DLGAP2: variants seen among roughly 807,000 people sequenced by gnomAD.
DLGAP2 encodes the protein DLG associated protein 2.
In DLGAP2, 26 loss-of-function variants were observed where a neutral mutation model predicts 100.3. The ratio of observed to expected loss-of-function variants is 0.26; its 90% confidence interval spans 0.19 to 0.36. The LOEUF (loss-of-function observed/expected upper bound fraction) is 0.36, where lower values mean the gene tolerates loss of function less well. Among genes scored for constraint, DLGAP2 ranks in the 10% least tolerant of loss-of-function variants. The pLI is 1.00. For synonymous variants in DLGAP2, 886 were observed against 630.1 expected (o/e 1.41, Z -6.08); for missense variants, 1,858 against 1,453.2 (o/e 1.28, Z -4.53).
At position 1,669,818 on chromosome 8, in the gene DLGAP2, G is replaced by T. The variant is rs781628489; in HGVS notation, c.2202+34G>T. The T allele has an allele frequency of 5.1e-6, 4 of 780,746 alleles. No homozygotes were observed. The African/African-American group carries it at 6.8e-5, about 13-fold the overall frequency. The allele number at this position is 780,746 out of a possible 1,614,324, so 48.4% of individuals were successfully genotyped here. On this transcript the variant is annotated intron_variant, in intron 10 of 14. Coordinates refer to ENST00000637795, the MANE Select transcript of DLGAP2 (RefSeq NM_001346810.2). ...CGAAATGTGCTCCAAAGCCGCGTCC[G>T]CATGACTTTCATTTTCTCTCCCTTT...
intron 2 of DLGAP2, among the ~76,000 whole-genome samples, chr8:1,219,093 C>A (rs1167324064): frequency 6.6e-6 from 1 of 152,168 alleles, no homozygotes; most frequent in African/African-American, 2.4e-5. Flanking sequence ...TCTTCTCTTT[C>A]TATCTGAATG....
chr8:1,077,904 A>G (rs1214383509), intron 2 of DLGAP2, among the ~76,000 whole-genome samples: 1 of 152,120 alleles, frequency 6.6e-6, no homozygotes, highest in African/African-American at 2.4e-5. Flanking sequence ...CGAGTTCTCC[A>G]GCGGCCGCCG....
intron 1 of DLGAP2, among the ~76,000 whole-genome samples, chr8:743,228 T>A (rs1463795727): frequency 6.6e-6 from 1 of 152,216 alleles, no homozygotes; most frequent in African/African-American, 2.4e-5. Flanking sequence ...AGGATGGATG[T>A]AATTCTCTGG....
chr8:1,476,409 TC>T (rs75694588), intron 3 of DLGAP2, among the ~76,000 whole-genome samples: 6,123 of 152,192 alleles, frequency 0.04, 383 homozygotes, highest in African/African-American at 0.14. Flanking sequence ...CTTCCTTTCT[TC>T]CCCTCTACAC....
At chr8:1,413,520 C>T (rs111481431) in intron 3 of DLGAP2, among the ~76,000 whole-genome samples, 10 of 152,074 alleles carry the variant, frequency 6.6e-5, no homozygotes, top group Admixed American at 6.5e-4. Context: ...CTAAATCTGG[C>T]AAGTATAGAG....
At position 1,119,090 on chromosome 8, in the gene DLGAP2, A is replaced by G. The variant is rs12675321; in HGVS notation, c.74-139761A>G. ...TTCCTACTACTTTATAACCGATTCT[A>G]TTTTCAATTGATAAGTGATTTTTTC... is the stretch of plus-strand genomic sequence containing the variant. On this transcript the variant is annotated intron_variant, in intron 2 of 14. Transcript: ENST00000637795. Among the ~76,000 whole-genome samples the G allele has an allele frequency of 6.4e-3, 977 of 152,288 alleles. 34 individuals carry two copies. The highest frequency in any genetic ancestry group is 0.053 in the East Asian group (275 of 5,172).
chr8:1,368,184 G>A (rs974812485), intron 3 of DLGAP2, among the ~76,000 whole-genome samples: 2 of 152,112 alleles, frequency 1.3e-5, no homozygotes, highest in Non-Finnish European at 2.9e-5. Context: ...GTGTGTGTAT[G>A]TGCACGTGTG....
chr8:1,602,490 C>A lies in DLGAP2; in HGVS notation c.1443-24250C>A, dbSNP rs561014667. ...ATTCATGCAGCCATGTTGCCCAGAG[C>A]TAGCCAGGGCTGGAGGCCCGAATCC... On this transcript the variant is annotated intron_variant, in intron 6 of 14. Transcript: ENST00000637795. 6.6e-5 allele frequency among the ~76,000 whole-genome samples: 10 copies of A among 152,364 alleles called. No homozygotes were observed. The South Asian group carries it at 2.1e-3, about 32-fold the overall frequency.
intron 3 of DLGAP2, among the ~76,000 whole-genome samples, chr8:1,374,050 G>T (rs1310748127): frequency 6.6e-6 from 1 of 151,966 alleles, no homozygotes; most frequent in Non-Finnish European, 1.5e-5. Context: ...TGTGGTGGAG[G>T]TTAGGTTAGG....
At chr8:1,139,201 C>A (rs62486836) in intron 2 of DLGAP2, among the ~76,000 whole-genome samples, 14,911 of 152,192 alleles carry the variant, frequency 0.098, 976 homozygotes, top group East Asian at 0.25. Flanking sequence ...GGGGTGTGCA[C>A]AGGGCGGGGG....
chr8:1,301,221 G>C (rs1800330557), intron 3 of DLGAP2: 1 of 152,314 alleles, frequency 6.6e-6, no homozygotes, highest in Non-Finnish European at 1.5e-5. Context: ...ATCGATACCT[G>C]ACGTGGGAGC....
chr8:1,462,933 A>T (rs755547561), intron 3 of DLGAP2, among the ~76,000 whole-genome samples: 6 of 152,166 alleles, frequency 3.9e-5, no homozygotes, highest in African/African-American at 1.4e-4. Context: ...ATCCCATTCC[A>T]TGAGAAGTTG....
Position 1,549,627 on chromosome 8 carries a change from A to C in DLGAP2, c.1174A>C (p.Lys392Gln), listed in dbSNP as rs1801691507. The C allele has an allele frequency of 1.3e-6, 2 of 1,586,864 alleles. No individual in the cohort carries two copies. Among genetic ancestry groups the C allele is most frequent in the Non-Finnish European group, 1.7e-6 (2 of 1,168,202 alleles). ...CCGCAAGAGCTCGCTGAACCTGGAC[A>C]AGCCGCTGCTGCACCAGGACGCCAA... Reference protein sequence around the residue: ...AYRKSSLNLDKPLLHQDAKPA... With the variant: ...AYRKSSLNLDQPLLHQDAKPA... The change falls in exon 5 of 15, where the codon AAG becomes CAG. Residue 392 changes from lysine (K) to glutamine (Q), a missense_variant. By Grantham distance (53) the Lys-to-Gln change is moderately conservative. Coordinates refer to ENST00000637795, the MANE Select transcript of DLGAP2 (RefSeq NM_001346810.2).
chr8:849,001 G>A (rs574307279), intron 1 of DLGAP2, among the ~76,000 whole-genome samples: 2 of 151,966 alleles, frequency 1.3e-5, no homozygotes, highest in South Asian at 2.1e-4. Context: ...GCATAGGATC[G>A]TGAGGTGCCT....
chr8:1,624,016 T>G (rs1413642923), intron 6 of DLGAP2, among the ~76,000 whole-genome samples: 1 of 152,182 alleles, frequency 6.6e-6, no homozygotes, highest in Non-Finnish European at 1.5e-5. Context: ...CAGCAGCCAC[T>G]GCCAGAGTGA....
intron 2 of DLGAP2, among the ~76,000 whole-genome samples, chr8:995,162 A>G (rs1373341235): frequency 6.6e-6 from 1 of 152,032 alleles, no homozygotes; most frequent in East Asian, 1.9e-4. Context: ...AAAAAATCAC[A>G]TTTTTTCACA....
intron 6 of DLGAP2, among the ~76,000 whole-genome samples, chr8:1,623,323 G>A (rs548665930): frequency 7.3e-5 from 11 of 151,598 alleles, no homozygotes; most frequent in African/African-American, 2.4e-4. Flanking sequence ...GCACCAGTGT[G>A]TGATGACCTG....
rs1382285125 is a variant in DLGAP2, at chr8:1,103,511, G to A, written c.74-155340G>A. Reference sequence around the variant, plus strand: ...CTTGGTTGACGGTGATGACTGGCGGGGCCTTGGTTGACGGTGATGACTGGC... The same window carrying A: ...CTTGGTTGACGGTGATGACTGGCGGAGCCTTGGTTGACGGTGATGACTGGC... On this transcript the variant is annotated intron_variant, in intron 2 of 14. Transcript: ENST00000637795. 1.3e-4 allele frequency among the ~76,000 whole-genome samples: 14 copies of A among 110,220 alleles called. 1 individual carries two copies. The highest frequency in any genetic ancestry group is 7.8e-4 in the African/African-American group (14 of 18,056). 72.3% of individuals were successfully genotyped at this position (110,220 alleles called of 152,430 possible).
At chr8:781,927 G>A (rs1821698595) in intron 1 of DLGAP2, among the ~76,000 whole-genome samples, 1 of 152,140 alleles carries the variant, frequency 6.6e-6, no homozygotes, top group African/African-American at 2.4e-5. Flanking sequence ...ATTCAAAACT[G>A]GGAGCTGGGG....
Sources: allele counts gnomAD v4.1 joint callset (sites outside exome capture counted in the v4.1 genomes callset), GRCh38; gene constraint gnomAD v4.1.1; transcripts MANE v1.5; gene names NCBI Gene and HGNC (gene_info 2026-07-23, HGNC 2026-07-21).